NRXN1: variants seen among roughly 807,000 people sequenced by gnomAD.
The protein encoded by NRXN1 is neurexin-1.
In NRXN1, 39 loss-of-function variants were observed where a neutral mutation model predicts 150.9. That is an observed-to-expected ratio of 0.26 (90% confidence interval 0.20 to 0.34). NRXN1 has a LOEUF of 0.34. NRXN1 is among the 10% of genes least tolerant of loss of function. NRXN1 has a pLI of 1.00. For missense variants in NRXN1, 1,815 were observed against 1,949.9 expected (o/e 0.93, Z 1.30); for synonymous variants, 924 against 757.0 (o/e 1.22, Z -3.62).
intron 17 of NRXN1, among the ~76,000 whole-genome samples, chr2:50,422,366 A>T (rs910716050): frequency 6.6e-6 from 1 of 152,154 alleles, no homozygotes; most frequent in Non-Finnish European, 1.5e-5. Flanking sequence ...ATGTATTACC[A>T]CTGGGCTGAT....
chr2:49,984,718 AACAC>A lies in NRXN1; in HGVS notation c.4129-40931_4129-40928del, dbSNP rs149322054. 2.5e-3 allele frequency among the ~76,000 whole-genome samples: 363 copies of A among 146,942 alleles called. 2 individuals carry two copies. The highest frequency in any genetic ancestry group is 5.0e-3 in the African/African-American group (198 of 39,922). Reference sequence around the variant, plus strand: ...AGACAAAGTCCTTTGAGAACACACAAACACACACACACACACACACACACACACA... The same window carrying A: ...AGACAAAGTCCTTTGAGAACACACAAACACACACACACACACACACACACA... On this transcript the variant is annotated intron_variant, in intron 21 of 22. Coordinates refer to ENST00000401669, the MANE Select transcript of NRXN1 (RefSeq NM_001330078.2).
At chr2:50,717,886 T>C (rs1023303063) in intron 5 of NRXN1, among the ~76,000 whole-genome samples, 2 of 152,170 alleles carry the variant, frequency 1.3e-5, no homozygotes, top group Non-Finnish European at 1.5e-5. Flanking sequence ...ATCACATTCA[T>C]GAGGGTTTCA....
chr2:51,030,211 C>G (rs1671268670), intron 1 of NRXN1, among the ~76,000 whole-genome samples: 3 of 151,990 alleles, frequency 2.0e-5, no homozygotes, highest in African/African-American at 7.3e-5. Flanking sequence ...CATTATTTTT[C>G]TCACTATTTC....
At chr2:50,061,442 T>C (rs1694519524) in intron 19 of NRXN1, among the ~76,000 whole-genome samples, 1 of 152,172 alleles carries the variant, frequency 6.6e-6, no homozygotes, top group Non-Finnish European at 1.5e-5. Flanking sequence ...GTAGGTGAGA[T>C]GAAAAACAAG....
In NRXN1 at chr2:49,988,619, T is replaced by TA. The variant is rs3046623; in HGVS notation, c.4129-44829dup. ...TTTTGGTCTTGACACAGTTAACTAT[T>TA]AAAAAAAAAAAAAAAAAAAAGCCCT... is the stretch of plus-strand genomic sequence containing the variant. On this transcript the variant is annotated intron_variant, in intron 21 of 22. Coordinates refer to ENST00000401669, the MANE Select transcript of NRXN1 (RefSeq NM_001330078.2). Among the ~76,000 whole-genome samples, 354 of 127,974 alleles carry TA rather than the reference T, an allele frequency of 2.8e-3. 4 individuals are homozygous for TA. The highest frequency in any genetic ancestry group is 0.015 in the Admixed American group (185 of 12,358). The allele number at this position is 127,974 out of a possible 152,430, so 84.0% of individuals were successfully genotyped here. A position where few individuals can be genotyped will look rare whatever the true frequency, so the allele number is the denominator to read the frequency against.
intron 5 of NRXN1, among the ~76,000 whole-genome samples, chr2:50,640,148 T>G (rs1683862087): frequency 6.6e-6 from 1 of 152,154 alleles, no homozygotes; most frequent in South Asian, 2.1e-4. Flanking sequence ...TAGCAATGCC[T>G]TGGCCCCAGA....
chr2:50,893,176 G>A (rs922687968), intron 5 of NRXN1, among the ~76,000 whole-genome samples: 2 of 152,024 alleles, frequency 1.3e-5, no homozygotes, highest in African/African-American at 4.8e-5. Context: ...TGTACCCTAA[G>A]TGCATCTGAG....
At chr2:50,531,058 A>G (rs562162311) in intron 11 of NRXN1, among the ~76,000 whole-genome samples, 169 bp downstream of exon 11, 3 of 152,326 alleles carry the variant, frequency 2.0e-5, no homozygotes, top group African/African-American at 7.2e-5. Flanking sequence ...AAAATAAAAT[A>G]AAAAATAAAA....
At chr2:50,319,351 A>G (rs935359023) in intron 17 of NRXN1, among the ~76,000 whole-genome samples, 8 of 152,160 alleles carry the variant, frequency 5.3e-5, no homozygotes, top group African/African-American at 1.9e-4. Flanking sequence ...ACACTGGCTG[A>G]TACTCACAGT....
At chr2:49,969,935 A>T (rs1677651597) in intron 21 of NRXN1, 1 of 152,096 alleles carries the variant, frequency 6.6e-6, no homozygotes, top group South Asian at 2.1e-4. Flanking sequence ...AAGATGGTGG[A>T]ACCCTACAAG....
intron 8 of NRXN1, among the ~76,000 whole-genome samples, chr2:50,592,468 C>A (rs1374553139): frequency 6.6e-6 from 1 of 152,146 alleles, no homozygotes; most frequent in Non-Finnish European, 1.5e-5. Flanking sequence ...GAGAGACAGT[C>A]CCTCTGTGAG....
chr2:50,347,645 T>C lies in NRXN1; in HGVS notation c.3365-110675A>G, dbSNP rs1337325112. 7.1e-6 allele frequency: 7 copies of C among 989,668 alleles called. No homozygotes were observed. The highest frequency in any genetic ancestry group is 5.3e-5 in the African/African-American group (3 of 56,806). 61.3% of individuals were successfully genotyped at this position (989,668 alleles called of 1,614,324 possible). Reference sequence around the variant, plus strand: ...CCGGCGAGGGGTTCAGAGGGAAGAGTGCGCCCTTCTGAAGGAAGTGGGAAT... The same window carrying C: ...CCGGCGAGGGGTTCAGAGGGAAGAGCGCGCCCTTCTGAAGGAAGTGGGAAT... On this transcript the variant is annotated intron_variant, in intron 17 of 22. Transcript: ENST00000401669. This position sits in a 1 kb window ranked among gnomAD's most constrained non-coding sequence, Gnocchi z 4.9.
chr2:51,028,064 G>T lies in NRXN1; in HGVS notation c.210C>A (p.Phe70Leu), dbSNP rs757651023. Residue 70 changes from phenylalanine (F) to leucine (L), a missense_variant, in exon 2 of 23, where the codon TTC (phenylalanine) becomes TTA (leucine). By Grantham distance (22) the Phe-to-Leu change is conservative. Coordinates refer to ENST00000401669, the MANE Select transcript of NRXN1 (RefSeq NM_001330078.2). ...GGAAGTCGCAGAAGCCCTCGTCGTCGAAGTAGAGCACGAGGCCGCGGGCGC... is the reference window on the plus strand; with the variant it reads ...GGAAGTCGCAGAAGCCCTCGTCGTCTAAGTAGAGCACGAGGCCGCGGGCGC... ...TRSARGLVLY[F>L]DDEGFCDFLE... is the part of the protein sequence containing the mutation. 8.8e-6 allele frequency: 14 copies of T among 1,597,162 alleles called. No individual in the cohort carries two copies.
chr2:50,663,452 C>CA (rs1472911341), intron 5 of NRXN1, among the ~76,000 whole-genome samples: 1 of 151,994 alleles, frequency 6.6e-6, no homozygotes, highest in Non-Finnish European at 1.5e-5. Context: ...TCTCTGGTAA[C>CA]AAACTGCCTA....
intron 18 of NRXN1, among the ~76,000 whole-genome samples, chr2:50,139,984 C>A (rs1045415132): frequency 6.6e-6 from 1 of 151,984 alleles, no homozygotes; most frequent in South Asian, 2.1e-4. Context: ...CTTTCACCTC[C>A]ATTTCAATAT....
chr2:50,296,308 G>A (rs1231392911), intron 17 of NRXN1, among the ~76,000 whole-genome samples: 2 of 152,166 alleles, frequency 1.3e-5, no homozygotes, highest in Non-Finnish European at 2.9e-5. Context: ...TGCTTCAAAA[G>A]CTACAGATTT....
chr2:50,706,515 G>A lies in NRXN1; in HGVS notation c.833-82900C>T, dbSNP rs765253901. On this transcript the variant is annotated intron_variant, in intron 5 of 22. Transcript: ENST00000401669. ...AATTAGAATCTCTAATTCTCCAACT[G>A]GTAAATGACTCCTCTAAATAGTTTA... is the stretch of plus-strand genomic sequence containing the variant. 3.2e-4 allele frequency among the ~76,000 whole-genome samples: 48 copies of A among 152,114 alleles called. 1 individual carries two copies. The highest frequency in any genetic ancestry group is 1.9e-3 in the South Asian group (9 of 4,820).
chr2:50,951,109 A>G (rs1691254804), intron 2 of NRXN1, among the ~76,000 whole-genome samples: 1 of 152,198 alleles, frequency 6.6e-6, no homozygotes, highest in South Asian at 2.1e-4. Flanking sequence ...TTGCTCAAGG[A>G]CAGCTGTTTG....
chr2:50,031,988 G>C (rs1404612360), intron 21 of NRXN1, among the ~76,000 whole-genome samples: 1 of 152,014 alleles, frequency 6.6e-6, no homozygotes. Context: ...ATTCTGAAAA[G>C]AGTGAATATA....
Sources: gnomAD v4.1 joint callset for allele counts (sites outside exome capture counted in the v4.1 genomes callset) on GRCh38, gnomAD v4.1.1 for gene constraint, Gnocchi (gnomAD v3.1) non-coding constraint, MANE v1.5 for transcripts, NCBI Gene and HGNC (gene_info 2026-07-23, HGNC 2026-07-21) for gene names.